Variants in RTL4 observed in about 807,000 individuals in gnomAD.
RTL4 encodes the protein retrotransposon Gag like 4, also known as retrotransposon Gag-like protein 4.
A neutral mutation model predicts 5.3 loss-of-function variants in RTL4; 4 were observed. That is an observed-to-expected ratio of 0.75 (90% CI 0.37 to 1.72). The LOEUF is 1.72. Ranked by LOEUF, RTL4 falls within the 40% of genes most tolerant of loss-of-function variation. RTL4 has a pLI of 0.04. For synonymous variants in RTL4, 98 were observed against 87.3 expected, an observed-to-expected ratio of 1.12 and a Z score of -0.68; for missense variants, 260 against 227.1, an observed-to-expected ratio of 1.14 and a Z score of -0.93.
chrX:112,270,065 C>G, the RTL4 span, among the ~76,000 whole-genome samples: 1 of 112,293 alleles, frequency 8.9e-6, no homozygotes, highest in Non-Finnish European at 1.9e-5. Context: ...AAAGGACTCA[C>G]TCTTTTCCTC....
the RTL4 span, among the ~76,000 whole-genome samples, chrX:112,083,114 C>G: frequency 1.8e-5 from 2 of 111,421 alleles, no homozygotes; most frequent in East Asian, 2.9e-4. Context: ...TCTCTCCCCC[C>G]TCGGTACGGA....
chrX:112,268,769 G>A, the RTL4 span, among the ~76,000 whole-genome samples: 1 of 112,345 alleles, frequency 8.9e-6, no homozygotes, highest in Admixed American at 9.4e-5. Flanking sequence ...CTAACTGTAA[G>A]TCTGCCTGCT....
the RTL4 span, among the ~76,000 whole-genome samples, chrX:112,174,246 A>T: frequency 3.4e-5 from 2 of 58,311 alleles, no homozygotes; most frequent in African/African-American, 1.4e-4. Context: ...CCCACCCCAC[A>T]ACAGTCCCCA....
At chrX:112,369,812 C>A in the RTL4 span, among the ~76,000 whole-genome samples, 1 of 111,449 alleles carries the variant, frequency 9.0e-6, no homozygotes, top group African/African-American at 3.3e-5. Context: ...TGGCCAAAAC[C>A]AGCATGGTAG....
At chrX:112,218,523 C>A in the RTL4 span, among the ~76,000 whole-genome samples, 2 of 111,863 alleles carry the variant, frequency 1.8e-5, no homozygotes, top group South Asian at 7.5e-4. Flanking sequence ...TGTCTGCACC[C>A]AATTTCGAGA....
At chrX:112,383,710 G>A in the RTL4 span, among the ~76,000 whole-genome samples, 1 of 111,697 alleles carries the variant, frequency 9.0e-6, no homozygotes, top group Admixed American at 9.5e-5. Flanking sequence ...GATGCAGCTG[G>A]AGGCCATTAT....
chrX:112,235,984 G>A, the RTL4 span, among the ~76,000 whole-genome samples: 2 of 111,332 alleles, frequency 1.8e-5, no homozygotes, highest in Non-Finnish European at 3.8e-5. Flanking sequence ...TATCCCAGGT[G>A]GTACCAAATG....
the RTL4 span, among the ~76,000 whole-genome samples, chrX:112,112,422 C>T: frequency 3.6e-5 from 4 of 111,585 alleles, no homozygotes; most frequent in Admixed American, 9.5e-5. Flanking sequence ...GATTCATAGT[C>T]GGCAAAAGCC....
the RTL4 span, among the ~76,000 whole-genome samples, chrX:112,264,367 A>G: frequency 1.8e-5 from 2 of 111,317 alleles, no homozygotes; most frequent in African/African-American, 6.5e-5. Flanking sequence ...AAACAGCTCC[A>G]CACACACTGT....
chrX:112,165,937 G>A, the RTL4 span, among the ~76,000 whole-genome samples: 3 of 112,418 alleles, frequency 2.7e-5, no homozygotes, highest in African/African-American at 6.5e-5. Context: ...TGGAACATGT[G>A]TTCATTAAAA....
chrX:112,247,245 G>T, the RTL4 span, among the ~76,000 whole-genome samples: 5 of 111,150 alleles, frequency 4.5e-5, no homozygotes, highest in Non-Finnish European at 9.4e-5. Flanking sequence ...AAAAAGCCAA[G>T]ATTTTAATTA....
At chrX:112,276,699 A>T in the RTL4 span, among the ~76,000 whole-genome samples, 4 of 111,897 alleles carry the variant, frequency 3.6e-5, no homozygotes, top group Non-Finnish European at 7.5e-5. Context: ...TTATCAAATT[A>T]ATTTTAATAT....
At chrX:112,271,061 A>C in the RTL4 span, among the ~76,000 whole-genome samples, 368 of 109,015 alleles carry the variant, frequency 3.4e-3, 2 homozygotes, top group African/African-American at 0.012. Context: ...AAAAAAAAAA[A>C]AAAAAAAAAA....
the RTL4 span, among the ~76,000 whole-genome samples, chrX:112,198,076 C>CA: frequency 5.4e-5 from 6 of 110,518 alleles, no homozygotes; most frequent in Admixed American, 1.9e-4. Flanking sequence ...TAGGACTCAC[C>CA]AAAAAAAATG....
the RTL4 span, among the ~76,000 whole-genome samples, chrX:112,190,207 T>TCTTTTTC: frequency 1.0e-5 from 1 of 99,099 alleles, no homozygotes; most frequent in African/African-American, 3.8e-5. Context: ...TTTCTTTCTT[T>TCTTTTTC]TTTCTATACC....
At chrX:112,344,710 A>T in the RTL4 span, among the ~76,000 whole-genome samples, 1 of 112,123 alleles carries the variant, frequency 8.9e-6, no homozygotes, top group Non-Finnish European at 1.9e-5. Context: ...TTTTATTCAC[A>T]AAATTGGCAA....
the RTL4 span, among the ~76,000 whole-genome samples, chrX:112,260,810 A>T: frequency 9.0e-6 from 1 of 111,696 alleles, no homozygotes; most frequent in African/African-American, 3.3e-5. Context: ...ACATTCTCAG[A>T]CATTTCTCTT....
chrX:112,308,875 G>C, the RTL4 span, among the ~76,000 whole-genome samples: 13 of 111,021 alleles, frequency 1.2e-4, no homozygotes, highest in African/African-American at 3.9e-4. Flanking sequence ...GGTTTAGGAT[G>C]ATTCCAATAA....
At chrX:112,326,494 G>A in the RTL4 span, among the ~76,000 whole-genome samples, 6 of 111,959 alleles carry the variant, frequency 5.4e-5, no homozygotes, top group African/African-American at 9.8e-5. Flanking sequence ...CACGTGGCTC[G>A]GAGGGTCCTA....
Sources: gnomAD v4.1 joint callset for allele counts (sites outside exome capture counted in the v4.1 genomes callset) on GRCh38, gnomAD v4.1.1 for gene constraint, MANE v1.5 for transcripts, NCBI Gene and HGNC (gene_info 2026-07-23, HGNC 2026-07-21) for gene names.